ACOT11: variants seen among roughly 807,000 people sequenced by gnomAD.
The protein encoded by ACOT11 is acyl-coenzyme A thioesterase 11.
ACOT11 carries 69 observed loss-of-function variants against 77.5 expected under a neutral mutation model. The observed-to-expected ratio is 0.89, with a 90% CI of 0.73 to 1.09. The LOEUF is 1.09. ACOT11 is among the 50% of genes least tolerant of loss of function. ACOT11 has a pLI of 0.00. For missense variants in ACOT11, 766 were observed against 813.7 expected (o/e 0.94, Z 0.71); for synonymous variants, 279 against 313.0 (o/e 0.89, Z 1.15).
At chr1:54,560,810 C>T (rs145083412) in intron 1 of ACOT11, among the ~76,000 whole-genome samples, 1 of 152,096 alleles carries the variant, frequency 6.6e-6, no homozygotes. Flanking sequence ...CAACCTCCGC[C>T]TCCTGGGTTC....
chr1:54,588,542 A>G (rs1158045625), intron 3 of ACOT11, among the ~76,000 whole-genome samples: 4 of 151,946 alleles, frequency 2.6e-5, no homozygotes, highest in Non-Finnish European at 5.9e-5. Flanking sequence ...CTCTTAACCA[A>G]TGGGCTGTAT....
downstream of ACOT11, chr1:54,611,590 C>T: frequency 1.9e-6 from 3 of 1,613,350 alleles, no homozygotes; most frequent in Non-Finnish European, 2.5e-6. Context: ...CCACCCTTCC[C>T]AATTCCTCTC....
chr1:54,618,262 G>A (rs918320304), intron 15 of ACOT11, among the ~76,000 whole-genome samples: 3 of 152,144 alleles, frequency 2.0e-5, no homozygotes, highest in African/African-American at 7.2e-5. Flanking sequence ...CTAGCACTTT[G>A]GGAGCCCGAG....
rs192136165 is a variant in ACOT11 at position 54,580,408 on chromosome 1, T to C, written c.34-4247T>C. On this transcript the variant is annotated intron_variant, in intron 1 of 15. Coordinates refer to ENST00000343744, the MANE Select transcript of ACOT11 (RefSeq NM_147161.4). ...GTCTTCCATCGTTTCTGGGGACTTCTTGGCCTGGCCCCCAAGCCCCTCTTC... is the reference window on the plus strand; with the variant it reads ...GTCTTCCATCGTTTCTGGGGACTTCCTGGCCTGGCCCCCAAGCCCCTCTTC... 1.4e-3 allele frequency among the ~76,000 whole-genome samples: 211 copies of C among 152,288 alleles called. 2 individuals are homozygous for C. Among genetic ancestry groups the C allele is most frequent in the Middle Eastern group, 3.4e-3 (1 of 294 alleles).
At chr1:54,626,606 G>T (rs1361734870) in intron 15 of ACOT11, among the ~76,000 whole-genome samples, 1 of 79,472 alleles carries the variant, frequency 1.3e-5, no homozygotes, top group African/African-American at 3.3e-5. Context: ...TGCAGGTCAG[G>T]CTGACTGTGG....
At position 54,609,094 on chromosome 1, in the gene ACOT11, C is replaced by T. The variant is rs768131731; in HGVS notation, c.1767C>T (p.Pro589=). ...TGGACAACCGGAATGATCTGGCCCC[C>T]AGCCTCCAGACCCTCTAGATGCCCT... ...FLLDNRNDLA[P]SLQTL is the part of the protein sequence containing the mutation. Residue 589 remains proline (P), a synonymous_variant, in exon 16 of 16, where the codon CCC becomes CCT. Coordinates refer to ENST00000343744, the MANE Select transcript of ACOT11 (RefSeq NM_147161.4). The T allele has an allele frequency of 1.2e-6, 2 of 1,614,160 alleles. No individual in the cohort carries two copies. The highest frequency in any genetic ancestry group is 1.7e-5 in the Admixed American group (1 of 60,026).
rs12568175 is a variant in ACOT11 at position 54,582,371 on chromosome 1, T to C, written c.34-2284T>C. Reference sequence around the variant, plus strand: ...TTGTCCCTCCACAAACCTTTGACGATGTCCTCCTGTGTGCCAGGCCCCTCT... The same window carrying C: ...TTGTCCCTCCACAAACCTTTGACGACGTCCTCCTGTGTGCCAGGCCCCTCT... On this transcript the variant is annotated intron_variant, in intron 1 of 15. Coordinates refer to ENST00000343744, the MANE Select transcript of ACOT11 (RefSeq NM_147161.4). The C allele has an allele frequency of 5.2e-5, 46 of 881,150 alleles. No homozygotes were observed. The East Asian group carries it at 1.1e-3, about 21-fold the overall frequency. 54.6% of individuals were successfully genotyped at this position (881,150 alleles called of 1,614,324 possible). A position where few individuals can be genotyped will look rare whatever the true frequency, so the allele number is the denominator to read the frequency against.
intron 1 of ACOT11, among the ~76,000 whole-genome samples, chr1:54,578,415 T>C (rs1009385484): frequency 6.6e-6 from 1 of 152,174 alleles, no homozygotes; most frequent in Admixed American, 6.5e-5. Flanking sequence ...AGCATCACAC[T>C]ACTTGACTGA....
At chr1:54,611,154 G>C (rs1472497856), downstream of ACOT11, 1 of 548,102 alleles carries the variant, frequency 1.8e-6, no homozygotes, top group Non-Finnish European at 2.3e-6. Flanking sequence ...GAATGTGTGG[G>C]TCAGGCAGGT....
chr1:54,603,810 G>C, intron 10 of ACOT11, 61 bp from the exon 11 acceptor site: 1 of 1,489,694 alleles, frequency 6.7e-7, no homozygotes, highest in African/African-American at 1.4e-5. Flanking sequence ...GCCTGCAGTA[G>C]AGTCTGTGGA....
intron 10 of ACOT11, 41 bp from the exon 11 acceptor site, chr1:54,603,830 A>G (rs756500162): frequency 1.9e-5 from 30 of 1,598,760 alleles, no homozygotes; most frequent in Non-Finnish European, 2.5e-5. Flanking sequence ...AAAGTGCTGA[A>G]CTTCCAGGGG....
downstream of ACOT11, chr1:54,612,532 G>A (rs574947604): frequency 1.4e-5 from 22 of 1,614,008 alleles, no homozygotes; most frequent in South Asian, 1.3e-4. Flanking sequence ...CAGGCAGCCC[G>A]CACCATGGAA....
chr1:54,606,988 T>C, intron 13 of ACOT11, 146 bp from the exon 14 acceptor site: 1 of 1,149,068 alleles, frequency 8.7e-7, no homozygotes. Context: ...GCTGCCTTCC[T>C]GCTGGCCCTT....
chr1:54,562,383 A>C (rs1449632000), intron 1 of ACOT11, among the ~76,000 whole-genome samples: 2 of 61,604 alleles, frequency 3.2e-5, no homozygotes, highest in South Asian at 6.7e-4. Context: ...ACTTCCCAGT[A>C]GGGGCAGCCG....
chr1:54,556,426 G>A (rs1268208184), intron 1 of ACOT11, among the ~76,000 whole-genome samples: 1 of 152,176 alleles, frequency 6.6e-6, no homozygotes, highest in African/African-American at 2.4e-5. Flanking sequence ...TTTCTGTGAA[G>A]AATGTCATTG....
chr1:54,572,320 CAG>C (rs1216388336), intron 1 of ACOT11, among the ~76,000 whole-genome samples: 1 of 152,076 alleles, frequency 6.6e-6, no homozygotes, highest in African/African-American at 2.4e-5. Context: ...CCAGGGTAAA[CAG>C]AGTTGCTTGC....
intron 12 of ACOT11, 80 bp downstream of exon 12, chr1:54,604,509 C>A: frequency 7.8e-7 from 1 of 1,278,382 alleles, no homozygotes; most frequent in Non-Finnish European, 1.1e-6. Context: ...AACTCTCCCA[C>A]ACCACTTATG....
intron 13 of ACOT11, among the ~76,000 whole-genome samples, chr1:54,606,130 A>G (rs1272804210): frequency 6.6e-6 from 1 of 152,300 alleles, no homozygotes; most frequent in East Asian, 1.9e-4. Flanking sequence ...AAAAAGGGCC[A>G]TGTTGCCTTA....
exon 16 of ACOT11, chr1:54,630,853 A>G: frequency 1.3e-6 from 1 of 762,444 alleles, no homozygotes; most frequent in Non-Finnish European, 2.4e-6. Context: ...AACTAGCTGG[A>G]GGACACCTGA....
Sources: allele counts gnomAD v4.1 joint callset (sites outside exome capture counted in the v4.1 genomes callset), GRCh38; gene constraint gnomAD v4.1.1; transcripts MANE v1.5; gene names NCBI Gene and HGNC (gene_info 2026-07-23, HGNC 2026-07-21).